The following HS6ST2 variants were observed in gnomAD, a reference collection of about 807,000 sequenced individuals.
HS6ST2 encodes the protein heparan sulfate 6-O-sulfotransferase 2.
Under a neutral mutation model 33.0 loss-of-function variants are expected in HS6ST2, and 17 were observed. The ratio of observed to expected loss-of-function variants is 0.52; its 90% CI spans 0.35 to 0.77. HS6ST2 has a LOEUF of 0.77. HS6ST2 is among the 30% of genes least tolerant of loss of function. The probability of loss-of-function intolerance (pLI) is 0.01; values close to 1 mark genes in which losing one functional copy is unlikely to be tolerated. For missense variants in HS6ST2, 519 were observed against 551.7 expected, an observed-to-expected ratio of 0.94 and a Z score of 0.59; for synonymous variants, 248 against 237.1, an observed-to-expected ratio of 1.05 and a Z score of -0.42.
At chrX:132,942,406 C>T (rs2066896507) in intron 2 of HS6ST2, among the ~76,000 whole-genome samples, 1 of 111,893 alleles carries the variant, frequency 8.9e-6, no homozygotes, top group Non-Finnish European at 1.9e-5. Context: ...TAGGCCCATG[C>T]TAATTTGCAT....
At chrX:132,738,776 T>C (rs1453960859) in intron 2 of HS6ST2, among the ~76,000 whole-genome samples, 1 of 112,229 alleles carries the variant, frequency 8.9e-6, no homozygotes, top group Non-Finnish European at 1.9e-5. Flanking sequence ...ACTCTGGACC[T>C]TAGCTAGCTA....
intron 2 of HS6ST2, among the ~76,000 whole-genome samples, chrX:132,947,979 C>T (rs1242085478): frequency 9.0e-6 from 1 of 111,699 alleles, no homozygotes; most frequent in African/African-American, 3.3e-5. Context: ...GGGAGAAAGT[C>T]AATTAATGCA....
At chrX:132,669,423 C>A (rs1412645898) in intron 3 of HS6ST2, 1 of 287,744 alleles carries the variant, frequency 3.5e-6, no homozygotes, top group African/African-American at 2.8e-5. Context: ...TCAAAGAAAG[C>A]TATCCTTTTG....
chrX:132,892,084 G>A (rs1368652539), intron 2 of HS6ST2, among the ~76,000 whole-genome samples: 3 of 111,854 alleles, frequency 2.7e-5, no homozygotes, highest in South Asian at 3.7e-4. Context: ...CATTCTAACT[G>A]GTGTGAGATG....
chrX:132,757,857 A>G (rs1487260078), intron 2 of HS6ST2, among the ~76,000 whole-genome samples: 1 of 112,039 alleles, frequency 8.9e-6, no homozygotes, highest in Non-Finnish European at 1.9e-5. Flanking sequence ...ATCTAACTGC[A>G]GCAAAATACA....
chrX:132,658,294 T>C (rs892608051), intron 4 of HS6ST2, among the ~76,000 whole-genome samples: 3 of 111,448 alleles, frequency 2.7e-5, no homozygotes, highest in Non-Finnish European at 3.8e-5. Context: ...TTAAATGAAA[T>C]AATGCATGCA....
chrX:132,673,653 C>T, intron 3 of HS6ST2, among the ~76,000 whole-genome samples: 1 of 111,463 alleles, frequency 9.0e-6, no homozygotes, highest in Non-Finnish European at 1.9e-5. Context: ...CTATTCTTTA[C>T]TCCCTAGAGA....
intron 2 of HS6ST2, among the ~76,000 whole-genome samples, chrX:132,881,675 T>C (rs746771584): frequency 8.9e-6 from 1 of 111,813 alleles, no homozygotes; most frequent in African/African-American, 3.2e-5. Flanking sequence ...TTGCTTTTGG[T>C]GTTTTAGTCA....
At chrX:132,780,373 C>A (rs1375176565) in intron 2 of HS6ST2, among the ~76,000 whole-genome samples, 1 of 110,979 alleles carries the variant, frequency 9.0e-6, no homozygotes, top group Non-Finnish European at 1.9e-5. Context: ...GATGTGAGCG[C>A]ATAATAGCTA....
intron 1 of HS6ST2, among the ~76,000 whole-genome samples, chrX:132,957,876 G>A (rs921599012): frequency 8.9e-5 from 10 of 112,253 alleles, no homozygotes; most frequent in Admixed American, 2.8e-4. Context: ...TTGCCCACCC[G>A]GTAGGCGGCC....
At chrX:132,749,001 A>G (rs1235183230) in intron 2 of HS6ST2, among the ~76,000 whole-genome samples, 1 of 111,372 alleles carries the variant, frequency 9.0e-6, no homozygotes, top group Non-Finnish European at 1.9e-5. Context: ...CTAAACCGAG[A>G]TTCCCCAAAT....
chrX:132,675,145 T>C (rs774735145), intron 3 of HS6ST2, among the ~76,000 whole-genome samples: 1 of 110,825 alleles, frequency 9.0e-6, no homozygotes, highest in South Asian at 3.9e-4. Context: ...GGATTCAGTT[T>C]GGGGCCTATC....
intron 2 of HS6ST2, among the ~76,000 whole-genome samples, chrX:132,931,497 A>G (rs1431595355): frequency 8.9e-6 from 1 of 111,869 alleles, no homozygotes; most frequent in African/African-American, 3.3e-5. Context: ...GCTCCATATC[A>G]GGAGAGGCAA....
intron 2 of HS6ST2, among the ~76,000 whole-genome samples, chrX:132,947,271 T>C: frequency 9.1e-6 from 1 of 110,415 alleles, no homozygotes; most frequent in Non-Finnish European, 1.9e-5. Context: ...TGTATATGTA[T>C]ATGTGTGTGT....
At chrX:132,961,027 G>A (rs966858284), upstream of HS6ST2, among the ~76,000 whole-genome samples, 4 of 109,184 alleles carry the variant, frequency 3.7e-5, no homozygotes, top group South Asian at 8.2e-4. Context: ...TTGTAATCTC[G>A]GCTGGTCTCT....
chrX:132,924,845 G>A (rs757432878), intron 2 of HS6ST2, among the ~76,000 whole-genome samples: 3 of 111,424 alleles, frequency 2.7e-5, no homozygotes, highest in East Asian at 5.7e-4. Context: ...AAAATTAGCC[G>A]TGTGTCGTGG....
intron 2 of HS6ST2, among the ~76,000 whole-genome samples, chrX:132,751,304 C>T (rs1274026849): frequency 9.0e-6 from 1 of 111,613 alleles, no homozygotes; most frequent in Non-Finnish European, 1.9e-5. Context: ...CTGTCTCCCA[C>T]TTTTCAATGA....
chrX:132,757,926 C>A (rs2064773011), intron 2 of HS6ST2, among the ~76,000 whole-genome samples: 1 of 112,054 alleles, frequency 8.9e-6, no homozygotes, highest in South Asian at 3.8e-4. Context: ...CCTTCAGGAA[C>A]AGAAAGGGCT....
At chrX:132,956,576 C>G (rs748442290) in intron 2 of HS6ST2, among the ~76,000 whole-genome samples, 104 of 112,714 alleles carry the variant, frequency 9.2e-4, no homozygotes, top group African/African-American at 3.1e-3. Context: ...AACCATCACG[C>G]AGGCCACCCT....
Sources: allele counts gnomAD v4.1 joint callset (sites outside exome capture counted in the v4.1 genomes callset), GRCh38; gene constraint gnomAD v4.1.1; transcripts MANE v1.5; gene names NCBI Gene and HGNC (gene_info 2026-07-23, HGNC 2026-07-21).